The following MACROD2 variants were observed in gnomAD, a reference collection of about 807,000 sequenced individuals.
MACROD2 encodes mono-ADP ribosylhydrolase 2, also known as ADP-ribose glycohydrolase MACROD2.
In MACROD2, 36 loss-of-function variants were observed where a neutral mutation model predicts 70.4. That is an observed-to-expected ratio of 0.51 (90% CI 0.39 to 0.68). The LOEUF is 0.68. Ranked by LOEUF, MACROD2 falls within the 30% of genes least tolerant of loss-of-function variation. The probability of loss-of-function intolerance (pLI) is 0.00; values close to 1 mark genes in which losing one functional copy is unlikely to be tolerated. For synonymous variants in MACROD2, 172 were observed against 178.8 expected (o/e 0.96, Z 0.30); for missense variants, 496 against 538.4 (o/e 0.92, Z 0.78).
chr20:15,906,370 A>T (rs1384376299), intron 10 of MACROD2, among the ~76,000 whole-genome samples: 1 of 152,250 alleles, frequency 6.6e-6, no homozygotes, highest in Non-Finnish European at 1.5e-5. Flanking sequence ...CAAATTTGCA[A>T]GTACAGTAAA....
At chr20:14,198,920 CTTTT>C (rs1445348547) in intron 3 of MACROD2, among the ~76,000 whole-genome samples, 2 of 152,140 alleles carry the variant, frequency 1.3e-5, no homozygotes, top group Non-Finnish European at 2.9e-5. Flanking sequence ...TAAAAGATTT[CTTTT>C]TTATCATCAT....
intron 3 of MACROD2, among the ~76,000 whole-genome samples, chr20:14,422,434 T>A (rs2122897925): frequency 6.6e-6 from 1 of 152,346 alleles, no homozygotes; most frequent in East Asian, 1.9e-4. Context: ...AGGAAAGATT[T>A]ACTTCTGCCA....
chr20:15,988,658 T>C (rs1010813535), intron 15 of MACROD2, among the ~76,000 whole-genome samples: 1 of 152,144 alleles, frequency 6.6e-6, no homozygotes, highest in African/African-American at 2.4e-5. Context: ...AATGGTGGAA[T>C]AGCATGTGGG....
intron 5 of MACROD2, among the ~76,000 whole-genome samples, chr20:14,800,296 A>G (rs1404049421): frequency 2.6e-5 from 4 of 152,110 alleles, no homozygotes; most frequent in Non-Finnish European, 5.9e-5. Flanking sequence ...TTAGCTAATC[A>G]GATTGGTGCC....
intron 3 of MACROD2, among the ~76,000 whole-genome samples, chr20:14,390,103 G>T (rs1323759784): frequency 6.6e-6 from 1 of 152,074 alleles, no homozygotes; most frequent in African/African-American, 2.4e-5. Context: ...TACACCAACA[G>T]CAGTCAAGCT....
chr20:14,466,626 C>G (rs1310600463), intron 3 of MACROD2, among the ~76,000 whole-genome samples: 4 of 152,062 alleles, frequency 2.6e-5, no homozygotes, highest in Non-Finnish European at 2.9e-5. Context: ...TTTAGAGTTT[C>G]CGGTTTTTCT....
intron 3 of MACROD2, among the ~76,000 whole-genome samples, chr20:14,136,154 T>G (rs1404347919): frequency 6.6e-6 from 1 of 152,070 alleles, no homozygotes; most frequent in East Asian, 1.9e-4. Flanking sequence ...ACAAGATTAA[T>G]AAAGAAAAAT....
intron 15 of MACROD2, among the ~76,000 whole-genome samples, chr20:16,038,065 A>C (rs2067258317): frequency 6.6e-6 from 1 of 151,792 alleles, no homozygotes; most frequent in Non-Finnish European, 1.5e-5. Context: ...TTAACACTTC[A>C]AAGATGTCAT....
intron 5 of MACROD2, among the ~76,000 whole-genome samples, chr20:14,861,500 T>A (rs2073316514): frequency 6.6e-6 from 1 of 152,074 alleles, no homozygotes; most frequent in Non-Finnish European, 1.5e-5. Flanking sequence ...GACCTTCCTC[T>A]CCTACTCTCT....
chr20:15,881,934 A>G (rs1601050179), intron 9 of MACROD2, among the ~76,000 whole-genome samples: 2 of 152,184 alleles, frequency 1.3e-5, no homozygotes, highest in Middle Eastern at 6.8e-3. Context: ...TCATTGTCAC[A>G]ATTTTTGCAA....
intron 6 of MACROD2, among the ~76,000 whole-genome samples, chr20:15,353,980 C>T (rs1006686873): frequency 6.9e-6 from 1 of 144,694 alleles, no homozygotes; most frequent in Non-Finnish European, 1.5e-5. Context: ...TACCATTTGA[C>T]CCAGCCATCC....
At chr20:14,730,014 T>C (rs2071576342) in intron 5 of MACROD2, among the ~76,000 whole-genome samples, 1 of 151,970 alleles carries the variant, frequency 6.6e-6, no homozygotes, top group South Asian at 2.1e-4. Context: ...AATAAAATAA[T>C]AAATTTTGAA....
chr20:15,325,183 A>C (rs1231695388), intron 6 of MACROD2, among the ~76,000 whole-genome samples: 1 of 152,158 alleles, frequency 6.6e-6, no homozygotes, highest in African/African-American at 2.4e-5. Context: ...CCTTGTTGTC[A>C]ATAGCTCTGG....
intron 3 of MACROD2, among the ~76,000 whole-genome samples, chr20:14,115,752 A>G (rs1334013352): frequency 6.6e-6 from 1 of 152,216 alleles, no homozygotes; most frequent in African/African-American, 2.4e-5. Flanking sequence ...TCAGTGCTGC[A>G]TAAATGGCCA....
At chr20:14,053,875 T>C (rs994630836) in intron 2 of MACROD2, among the ~76,000 whole-genome samples, 16 of 152,122 alleles carry the variant, frequency 1.1e-4, no homozygotes, top group African/African-American at 3.4e-4. Flanking sequence ...ATAAAAATTT[T>C]TAAATAGTAA....
At chr20:15,817,069 A>G (rs2147096632) in intron 8 of MACROD2, among the ~76,000 whole-genome samples, 1 of 152,316 alleles carries the variant, frequency 6.6e-6, no homozygotes, top group East Asian at 1.9e-4. Flanking sequence ...TCTTCTCACA[A>G]GTTGTGGGCT....
At chr20:15,544,411 G>T (rs1453293966) in intron 8 of MACROD2, among the ~76,000 whole-genome samples, 1 of 152,186 alleles carries the variant, frequency 6.6e-6, no homozygotes, top group Non-Finnish European at 1.5e-5. Flanking sequence ...GAACAGCTAG[G>T]ATGAGGAGGG....
At chr20:15,510,668 T>C (rs193235265) in intron 8 of MACROD2, among the ~76,000 whole-genome samples, 1 of 152,172 alleles carries the variant, frequency 6.6e-6, no homozygotes, top group Admixed American at 6.5e-5. Context: ...CTCACTAGGG[T>C]AAGAAAACCA....
intron 5 of MACROD2, among the ~76,000 whole-genome samples, chr20:15,105,139 G>T (rs1363990593): frequency 2.6e-5 from 4 of 152,102 alleles, no homozygotes; most frequent in Admixed American, 1.3e-4. Context: ...AAGGAAATTT[G>T]TTCATGTGGA....
Sources: allele counts gnomAD v4.1 joint callset (sites outside exome capture counted in the v4.1 genomes callset), GRCh38; gene constraint gnomAD v4.1.1; transcripts MANE v1.5; gene names NCBI Gene and HGNC (gene_info 2026-07-23, HGNC 2026-07-21).